Variants in IPO11 observed in about 807,000 individuals in gnomAD.
The protein encoded by IPO11 is importin-11.
A neutral mutation model predicts 143.2 loss-of-function variants in IPO11; 66 were observed. The ratio of observed to expected loss-of-function variants is 0.46; its 90% confidence interval spans 0.38 to 0.57. The LOEUF (loss-of-function observed/expected upper bound fraction) is 0.57, where lower values mean the gene tolerates loss of function less well. Ranked by LOEUF, IPO11 falls within the 20% of genes least tolerant of loss-of-function variation. The pLI, the probability that IPO11 is intolerant of heterozygous loss-of-function variation, is 0.00. For missense variants in IPO11, 1,026 were observed against 1,141.0 expected (o/e 0.90, Z 1.45); for synonymous variants, 385 against 377.8 (o/e 1.02, Z -0.22).
In IPO11 at chr5:62,606,480, T is replaced by TAAAAA. The variant is rs760722973; in HGVS notation, c.2763+4654_2763+4658dup. Among the ~76,000 whole-genome samples, 183 of 56,108 alleles carry TAAAAA rather than the reference T, an allele frequency of 3.3e-3. 14 individuals carry two copies. Among genetic ancestry groups the TAAAAA allele is most frequent in the African/African-American group, 0.013 (162 of 12,132 alleles). The allele number at this position is 56,108 out of a possible 152,430, so 36.8% of individuals were successfully genotyped here. On this transcript the variant is annotated intron_variant, in intron 29 of 29. Transcript: ENST00000325324. Reference sequence around the variant, plus strand: ...TAGACAACAGAACGAGACCCTGTCTTAAAAAAAAAAAAAAAAAAAAAAAAA... The same window carrying TAAAAA: ...TAGACAACAGAACGAGACCCTGTCTTAAAAAAAAAAAAAAAAAAAAAAAAAAAAAA...
Position 62,561,125 on chromosome 5 carries a change from T to C in IPO11, c.2461-11T>C. ...TTAGGTATTTTGAGATGCCTCCTCC[T>C]CTTGTTTCAGATGGACCAGCTTTTG... is the stretch of plus-strand genomic sequence containing the variant. On this transcript the variant is annotated splice_polypyrimidine_tract_variant and intron_variant, in intron 26 of 29. Coordinates refer to ENST00000325324, the MANE Select transcript of IPO11 (RefSeq NM_016338.5). 1 of 1,599,396 alleles carries C rather than the reference T, an allele frequency of 6.3e-7. No individual in the cohort carries two copies. Among genetic ancestry groups the C allele is most frequent in the Non-Finnish European group, 8.5e-7 (1 of 1,173,798 alleles).
chr5:62,541,219 A>G (rs951454684), intron 24 of IPO11, among the ~76,000 whole-genome samples: 1 of 151,820 alleles, frequency 6.6e-6, no homozygotes, highest in Non-Finnish European at 1.5e-5. Flanking sequence ...TAAAAATACA[A>G]AATTAGCCGG....
At chr5:62,600,027 G>A (rs1025159623) in intron 28 of IPO11, among the ~76,000 whole-genome samples, 6 of 152,052 alleles carry the variant, frequency 3.9e-5, no homozygotes, top group Admixed American at 2.6e-4. Context: ...TAATATTAAT[G>A]TGATAAATCT....
At chr5:62,455,787 C>G (rs887759227) in intron 5 of IPO11, among the ~76,000 whole-genome samples, 1 of 151,510 alleles carries the variant, frequency 6.6e-6, no homozygotes, top group Non-Finnish European at 1.5e-5. Context: ...GAGAGAGGTG[C>G]TGTCTTGGCT....
rs1055445651 is a variant in IPO11, at chr5:62,454,974, A to G, written c.516+3041A>G. Among the ~76,000 whole-genome samples, 6 of 152,300 alleles carry G rather than the reference A, an allele frequency of 3.9e-5. No individual in the cohort carries two copies. In the South Asian group the frequency reaches 6.2e-4, roughly 16 times the overall value. On this transcript the variant is annotated intron_variant, in intron 5 of 29. Coordinates refer to ENST00000325324, the MANE Select transcript of IPO11 (RefSeq NM_016338.5). ...GAAAAAATTCAGATTAGCACTTTTT[A>G]TTTTGGAATGGAGCAGCTGAACCTG...
intron 27 of IPO11, among the ~76,000 whole-genome samples, chr5:62,571,413 A>G (rs1744127586): frequency 6.6e-6 from 1 of 152,208 alleles, no homozygotes; most frequent in Non-Finnish European, 1.5e-5. Context: ...TGGAGAATGT[A>G]TATATGATGC....
chr5:62,415,236 T>C (rs992747433), intron 1 of IPO11, among the ~76,000 whole-genome samples: 4 of 152,126 alleles, frequency 2.6e-5, no homozygotes, highest in Non-Finnish European at 5.9e-5. Context: ...TGATCTCTGC[T>C]CACTGCATCT....
At chr5:62,425,043 G>A (rs115289034) in intron 1 of IPO11, among the ~76,000 whole-genome samples, 329 of 152,276 alleles carry the variant, frequency 2.2e-3, no homozygotes, top group African/African-American at 7.5e-3. Flanking sequence ...GCCTCAAGGT[G>A]AGGTTTTTGT....
rs992774745 is a variant in IPO11 at position 62,537,269 on chromosome 5, G to A, written c.2230G>A (p.Gly744Ser). 4.4e-6 allele frequency: 7 copies of A among 1,600,614 alleles called. No individual in the cohort carries two copies. The African/African-American group carries it at 9.4e-5, about 21-fold the overall frequency. Residue 744 changes from glycine to serine, a missense_variant, in exon 24 of 30, where the codon GGT (glycine) becomes AGT (serine). Gly to Ser is a moderately conservative substitution (Grantham distance 56, BLOSUM62 0). Coordinates refer to ENST00000325324, the MANE Select transcript of IPO11 (RefSeq NM_016338.5). ...ACTTTTAAAGGAAATTACTACAGAA[G>A]GTCAAGTTCAGGTGCTCAAGGTATT... ...CELLKEITTEGQVQVLKVVEN... is the reference protein window; with the variant it reads ...CELLKEITTESQVQVLKVVEN...
intron 19 of IPO11, chr5:62,512,351 C>T: frequency 7.6e-7 from 1 of 1,317,076 alleles, no homozygotes; most frequent in Non-Finnish European, 1.1e-6. Flanking sequence ...CGCCAAGATT[C>T]CTCCATTCAG....
chr5:62,581,065 A>AT (rs754228010), intron 27 of IPO11: 40 of 1,549,630 alleles, frequency 2.6e-5, no homozygotes, highest in Middle Eastern at 3.4e-4. Flanking sequence ...TGTTTTAATC[A>AT]TTTTTTTGAT....
intron 5 of IPO11, among the ~76,000 whole-genome samples, chr5:62,465,599 T>G (rs1467244321): frequency 1.3e-5 from 2 of 152,238 alleles, no homozygotes; most frequent in Non-Finnish European, 2.9e-5. Context: ...GTATTTTGGC[T>G]GTAATAAAAC....
intron 5 of IPO11, among the ~76,000 whole-genome samples, chr5:62,461,989 T>C (rs1303207688): frequency 6.6e-6 from 1 of 152,216 alleles, no homozygotes; most frequent in African/African-American, 2.4e-5. Flanking sequence ...ATTTGAGATA[T>C]TTTAGCCTGT....
intron 27 of IPO11, among the ~76,000 whole-genome samples, chr5:62,584,971 A>C (rs1331364516): frequency 6.6e-6 from 1 of 152,122 alleles, no homozygotes; most frequent in East Asian, 1.9e-4. Context: ...GTGATAGAGG[A>C]CATTTTAATT....
intron 5 of IPO11, among the ~76,000 whole-genome samples, chr5:62,452,761 C>T (rs1431375274): frequency 8.1e-6 from 1 of 123,048 alleles, no homozygotes; most frequent in Non-Finnish European, 1.7e-5. Flanking sequence ...TGTGTGTGTG[C>T]ACGCATTTTG....
At chr5:62,452,691 T>A (rs1374999415) in intron 5 of IPO11, among the ~76,000 whole-genome samples, 1 of 137,316 alleles carries the variant, frequency 7.3e-6, no homozygotes, top group South Asian at 2.2e-4. Flanking sequence ...GTGTGTATGT[T>A]TTGAGACAGG....
At chr5:62,565,627 A>G (rs921022780) in intron 27 of IPO11, among the ~76,000 whole-genome samples, 5 of 152,056 alleles carry the variant, frequency 3.3e-5, no homozygotes, top group Admixed American at 6.5e-5. Context: ...TTATATTGCC[A>G]TTTCTTAACA....
At chr5:62,426,750 T>C (rs576225861) in intron 1 of IPO11, among the ~76,000 whole-genome samples, 1 of 150,920 alleles carries the variant, frequency 6.6e-6, no homozygotes, top group African/African-American at 2.4e-5. Context: ...TGTTTACTGC[T>C]TGTCTTTTTG....
intron 29 of IPO11, among the ~76,000 whole-genome samples, chr5:62,614,491 G>T (rs906467095): frequency 5.3e-5 from 8 of 152,230 alleles, no homozygotes; most frequent in African/African-American, 1.9e-4. Flanking sequence ...AAGTTCTGCA[G>T]TACGTAGAAC....
Sources: gnomAD v4.1 joint callset for allele counts (sites outside exome capture counted in the v4.1 genomes callset) on GRCh38, gnomAD v4.1.1 for gene constraint, MANE v1.5 for transcripts, NCBI Gene and HGNC (gene_info 2026-07-23, HGNC 2026-07-21) for gene names.